Variants in ORC4 observed in about 807,000 individuals in gnomAD.
ORC4 encodes origin recognition complex, subunit 4 homolog.
ORC4 carries 55 observed loss-of-function variants against 63.9 expected under a neutral mutation model. The observed-to-expected ratio is 0.86, with a 90% CI of 0.69 to 1.08. The LOEUF is 1.08. Among genes scored for constraint, ORC4 ranks in the 50% least tolerant of loss-of-function variants. ORC4 has a pLI of 0.00. For synonymous variants in ORC4, 150 were observed against 168.5 expected, an observed-to-expected ratio of 0.89 and a Z score of 0.85; for missense variants, 511 against 504.4, an observed-to-expected ratio of 1.01 and a Z score of -0.13.
intron 1 of ORC4, among the ~76,000 whole-genome samples, chr2:147,976,291 A>C (rs543080907): frequency 1.3e-5 from 2 of 152,132 alleles, no homozygotes; most frequent in East Asian, 3.9e-4. Flanking sequence ...CCATGTCCCC[A>C]TTTTGTGTCT....
In ORC4 at chr2:147,958,351, T is replaced by G; in HGVS notation, c.334A>C (p.Lys112Gln). The G allele has an allele frequency of 1.2e-6, 2 of 1,612,628 alleles. No homozygotes were observed. Among genetic ancestry groups the G allele is most frequent in the Non-Finnish European group, 1.7e-6 (2 of 1,179,022 alleles). Residue 112 changes from lysine to glutamine, a missense_variant, in exon 6 of 14, where the codon AAG becomes CAG. Physicochemically the swap from Lys to Gln is moderately conservative, Grantham distance 53. Coordinates refer to ENST00000392857, the MANE Select transcript of ORC4 (RefSeq NM_181741.4). ...AGATTTAACTGCCTTGTGATTTCCT[T>G]TAGGGCGATTTTGTCATTGATCTGC... ...LLQINDKIAL[K>Q]EITRQLNLEN...
At chr2:147,959,262 A>G (rs1689441665) in intron 4 of ORC4, among the ~76,000 whole-genome samples, 1 of 152,076 alleles carries the variant, frequency 6.6e-6, no homozygotes, top group Non-Finnish European at 1.5e-5. Context: ...TTAAAAGCCC[A>G]TTGAATTAAA....
chr2:148,009,413 A>G (rs143632718), intron 1 of ORC4, among the ~76,000 whole-genome samples: 2 of 152,290 alleles, frequency 1.3e-5, no homozygotes, highest in Admixed American at 6.5e-5. Flanking sequence ...ACCCAAAAAG[A>G]GCCCAAGTAG....
intron 9 of ORC4, 104 bp downstream of exon 9, chr2:147,947,947 A>G: frequency 1.1e-6 from 1 of 886,896 alleles, no homozygotes; most frequent in Non-Finnish European, 1.9e-6. Context: ...ATCCTTCAGC[A>G]ATATTAGAAA....
chr2:147,935,819 TG>T (rs1288989098), intron 13 of ORC4, 121 bp from the exon 14 acceptor site: 3 of 745,644 alleles, frequency 4.0e-6, no homozygotes, highest in Non-Finnish European at 7.0e-6. Context: ...GGAAGCAAAA[TG>T]TAACAACAAT....
At chr2:147,953,453 T>G (rs1198407125) in intron 7 of ORC4, among the ~76,000 whole-genome samples, 4 of 152,140 alleles carry the variant, frequency 2.6e-5, no homozygotes, top group African/African-American at 9.7e-5. Flanking sequence ...TTGACAGAGT[T>G]TTCTATACCT....
intron 1 of ORC4, among the ~76,000 whole-genome samples, chr2:148,012,864 A>ACTATT (rs1403467995): frequency 1.3e-5 from 2 of 152,230 alleles, no homozygotes; most frequent in African/African-American, 4.8e-5. Context: ...ATAATCAGAG[A>ACTATT]AATACAAATC....
At chr2:148,016,346 C>T (rs1269258493) in intron 1 of ORC4, among the ~76,000 whole-genome samples, 1 of 152,202 alleles carries the variant, frequency 6.6e-6, no homozygotes, top group Non-Finnish European at 1.5e-5. Flanking sequence ...GTCTGATCCA[C>T]TACAGCTTTC....
At chr2:148,000,480 T>C (rs964358746) in intron 1 of ORC4, among the ~76,000 whole-genome samples, 3 of 152,184 alleles carry the variant, frequency 2.0e-5, no homozygotes, top group Non-Finnish European at 2.9e-5. Flanking sequence ...GCTAAACTAA[T>C]AGTTGGGGTA....
At chr2:147,979,377 T>C (rs1040708485) in intron 1 of ORC4, among the ~76,000 whole-genome samples, 22 of 151,754 alleles carry the variant, frequency 1.4e-4, no homozygotes, top group African/African-American at 5.3e-4. Context: ...TAGAAAGAAA[T>C]GTAACAAAAG....
intron 11 of ORC4, 85 bp downstream of exon 11, chr2:147,939,055 C>T (rs529822070): frequency 5.6e-5 from 47 of 834,542 alleles, no homozygotes; most frequent in Non-Finnish European, 8.9e-5. Flanking sequence ...ATTATGCCCA[C>T]GTTAATTGTA....
chr2:147,932,101 G>A lies in ORC4; in HGVS notation c.*3409C>T, dbSNP rs538761984. The A allele has an allele frequency of 4.4e-4, 66 of 151,186 alleles. No individual in the cohort carries two copies. Among genetic ancestry groups the A allele is most frequent in the African/African-American group, 1.5e-3 (64 of 41,328 alleles). The allele number at this position is 151,186 out of a possible 1,614,324, so 9.4% of individuals were successfully genotyped here. A position where few individuals can be genotyped will look rare whatever the true frequency, so the allele number is the denominator to read the frequency against. On this transcript the variant is annotated 3_prime_UTR_variant, in exon 14 of 14. Transcript: ENST00000392857. ...CTCCTTAAGCTGATAAGCAACTTCA[G>A]CAAAGTCTCAGGATACAAAATCAAT... is the stretch of plus-strand genomic sequence containing the variant.
At chr2:148,000,234 A>C (rs1268023822) in intron 1 of ORC4, among the ~76,000 whole-genome samples, 1 of 152,150 alleles carries the variant, frequency 6.6e-6, no homozygotes, top group Non-Finnish European at 1.5e-5. Context: ...AATGCATGGC[A>C]AAATGAAAGA....
chr2:147,981,193 C>T (rs1690865148), intron 1 of ORC4, among the ~76,000 whole-genome samples: 1 of 152,130 alleles, frequency 6.6e-6, no homozygotes, highest in African/African-American at 2.4e-5. Context: ...TCCAAGGCGC[C>T]CCTCGCATGT....
At chr2:147,951,127 T>A in intron 8 of ORC4, among the ~76,000 whole-genome samples, 1 of 152,076 alleles carries the variant, frequency 6.6e-6, no homozygotes, top group East Asian at 1.9e-4. Context: ...AGTCACTCTA[T>A]AGAGAAACAG....
At chr2:147,946,510 G>A (rs967971246) in intron 9 of ORC4, among the ~76,000 whole-genome samples, 5 of 151,934 alleles carry the variant, frequency 3.3e-5, no homozygotes, top group Non-Finnish European at 7.4e-5. Flanking sequence ...GGACAATGTG[G>A]GAGTACCAAC....
At chr2:147,959,290 C>CT (rs1689443499) in intron 4 of ORC4, among the ~76,000 whole-genome samples, 1 of 151,922 alleles carries the variant, frequency 6.6e-6, no homozygotes, top group East Asian at 1.9e-4. Flanking sequence ...ATGAAGCATA[C>CT]TTTTTTAAAT....
In ORC4 at chr2:147,932,300, A is replaced by G. The variant is rs372373489; in HGVS notation, c.*3210T>C. 1 of 152,256 alleles carries G rather than the reference A, an allele frequency of 6.6e-6. No individual in the cohort carries two copies. Among genetic ancestry groups the G allele is most frequent in the South Asian group, 2.1e-4 (1 of 4,828 alleles). 9.4% of individuals were successfully genotyped at this position (152,256 alleles called of 1,614,324 possible). Reference sequence around the variant, plus strand: ...ACTACAAGCTACTGCTCAAGGAAATAAAAGAGGATACAAACAAATGGAAGA... The same window carrying G: ...ACTACAAGCTACTGCTCAAGGAAATGAAAGAGGATACAAACAAATGGAAGA... On this transcript the variant is annotated 3_prime_UTR_variant, in exon 14 of 14. Coordinates refer to ENST00000392857, the MANE Select transcript of ORC4 (RefSeq NM_181741.4).
Position 147,943,530 on chromosome 2 carries a change from GAAAAAA to G in ORC4, c.763-14_763-9del. 1 of 1,168,458 alleles carries G rather than the reference GAAAAAA, an allele frequency of 8.6e-7. No individual in the cohort carries two copies. The highest frequency in any genetic ancestry group is 1.2e-6 in the Non-Finnish European group (1 of 809,364). 72.4% of individuals were successfully genotyped at this position (1,168,458 alleles called of 1,614,324 possible). A position where few individuals can be genotyped will look rare whatever the true frequency, so the allele number is the denominator to read the frequency against. On this transcript the variant is annotated splice_polypyrimidine_tract_variant and intron_variant, in intron 9 of 13. Transcript: ENST00000392857. ...TCTATCTTCTGAGAGATACTAAAAG[GAAAAAA>G]AAAAAAAAAGCCAAAATTGAGGAAA... is the stretch of plus-strand genomic sequence containing the variant.
Sources: gnomAD v4.1 joint callset for allele counts (sites outside exome capture counted in the v4.1 genomes callset) on GRCh38, gnomAD v4.1.1 for gene constraint, MANE v1.5 for transcripts, NCBI Gene and HGNC (gene_info 2026-07-23, HGNC 2026-07-21) for gene names.